The following HTR1F variants were observed in gnomAD, a reference collection of about 807,000 sequenced individuals.
The protein encoded by HTR1F is 5-hydroxytryptamine receptor 1F.
A neutral mutation model predicts 24.0 loss-of-function variants in HTR1F; 17 were observed. The observed-to-expected ratio is 0.71, with a 90% CI of 0.48 to 1.06. The LOEUF is 1.06. Ranked by LOEUF, HTR1F falls within the 50% of genes least tolerant of loss-of-function variation. The probability of loss-of-function intolerance (pLI) is 0.00; values close to 1 mark genes in which losing one functional copy is unlikely to be tolerated. For synonymous variants in HTR1F, 186 were observed against 156.8 expected (o/e 1.19, Z -1.39); for missense variants, 391 against 427.8 (o/e 0.91, Z 0.76).
intron 2 of HTR1F, among the ~76,000 whole-genome samples, chr3:87,894,934 C>G (rs866281028): frequency 1.3e-5 from 2 of 152,054 alleles, no homozygotes; most frequent in Non-Finnish European, 2.9e-5. Flanking sequence ...GCACTGTTAG[C>G]GTGACGCCTG....
At chr3:87,982,217 C>T (rs1023109413) in intron 2 of HTR1F, among the ~76,000 whole-genome samples, 1 of 152,152 alleles carries the variant, frequency 6.6e-6, no homozygotes, top group African/African-American at 2.4e-5. Context: ...GCCACTGTGC[C>T]CTGCCCTTTC....
At chr3:87,882,299 T>C (rs774474104) in intron 2 of HTR1F, among the ~76,000 whole-genome samples, 1 of 152,210 alleles carries the variant, frequency 6.6e-6, no homozygotes, top group East Asian at 1.9e-4. Flanking sequence ...GTCAGTGTGG[T>C]GATTCCTCAG....
chr3:87,843,003 G>A (rs940595571), intron 2 of HTR1F, among the ~76,000 whole-genome samples: 6 of 151,760 alleles, frequency 4.0e-5, no homozygotes, highest in Non-Finnish European at 2.9e-5. Flanking sequence ...TTCCCAGTTC[G>A]GACAAGCTTG....
In HTR1F at chr3:87,920,029, T is replaced by TTATATATATATATATATATATATA. The variant is rs74326472; in HGVS notation, c.-42-70658_-42-70657insATATATATATATATATATATATAT. Among the ~76,000 whole-genome samples, 146 of 141,968 alleles carry TTATATATATATATATATATATATA rather than the reference T, an allele frequency of 1.0e-3. 1 individual carries two copies. Among genetic ancestry groups the TTATATATATATATATATATATATA allele is most frequent in the African/African-American group, 2.0e-3 (78 of 38,062 alleles). 93.1% of individuals were successfully genotyped at this position (141,968 alleles called of 152,430 possible). On this transcript the variant is annotated intron_variant, in intron 2 of 2. Coordinates refer to ENST00000319595, the MANE Select transcript of HTR1F (RefSeq NM_001322209.2). ...GTGTGGGAGAGATATATATGTAATA[T>TTATATATATATATATATATATATA]TATATATATATATATATATATGATA...
At chr3:87,848,762 C>A (rs1705008235) in intron 2 of HTR1F, among the ~76,000 whole-genome samples, 1 of 151,632 alleles carries the variant, frequency 6.6e-6, no homozygotes, top group African/African-American at 2.4e-5. Flanking sequence ...AGCAAAGTCT[C>A]AGGATACAAA....
chr3:87,946,419 G>A (rs933578402), intron 2 of HTR1F, among the ~76,000 whole-genome samples: 6 of 151,930 alleles, frequency 3.9e-5, no homozygotes, highest in Non-Finnish European at 7.4e-5. Context: ...AAAAGAACCT[G>A]AAGTCTTGTA....
chr3:87,904,689 C>T (rs899990089), intron 2 of HTR1F, among the ~76,000 whole-genome samples: 2 of 152,030 alleles, frequency 1.3e-5, no homozygotes, highest in Admixed American at 6.6e-5. Context: ...CTGCATGCAA[C>T]AATATGAAAC....
At chr3:87,891,216 G>A (rs911217365) in intron 2 of HTR1F, among the ~76,000 whole-genome samples, 2 of 151,888 alleles carry the variant, frequency 1.3e-5, no homozygotes, top group South Asian at 2.1e-4. Flanking sequence ...AATTCAATTT[G>A]TTAAAATTAT....
chr3:87,832,486 C>A (rs1011949628), intron 2 of HTR1F, among the ~76,000 whole-genome samples: 37 of 152,006 alleles, frequency 2.4e-4, no homozygotes, highest in Non-Finnish European at 4.7e-4. Context: ...CGCCGCCACA[C>A]CCGGCTAATT....
At chr3:87,846,146 G>A (rs1248853757) in intron 2 of HTR1F, among the ~76,000 whole-genome samples, 1 of 151,940 alleles carries the variant, frequency 6.6e-6, no homozygotes, top group Non-Finnish European at 1.5e-5. Flanking sequence ...TATAAAAGTA[G>A]TATGGGCCGG....
chr3:87,815,259 G>C (rs1291517964), intron 1 of HTR1F, among the ~76,000 whole-genome samples: 1 of 151,746 alleles, frequency 6.6e-6, no homozygotes, highest in Non-Finnish European at 1.5e-5. Context: ...GGATGAAGAT[G>C]GTCAGATTTA....
At chr3:87,860,246 T>C (rs1381930789) in intron 2 of HTR1F, among the ~76,000 whole-genome samples, 2 of 152,230 alleles carry the variant, frequency 1.3e-5, no homozygotes, top group East Asian at 3.8e-4. Context: ...AAATCAACTC[T>C]CTTTTCTAGA....
chr3:87,831,265 A>G (rs1704571564), intron 2 of HTR1F, among the ~76,000 whole-genome samples: 1 of 151,354 alleles, frequency 6.6e-6, no homozygotes, highest in South Asian at 2.1e-4. Flanking sequence ...TCTACAAAAT[A>G]AATAACAATG....
intron 2 of HTR1F, among the ~76,000 whole-genome samples, chr3:87,826,835 G>C (rs1319022526): frequency 6.6e-6 from 1 of 152,044 alleles, no homozygotes; most frequent in Admixed American, 6.5e-5. Flanking sequence ...TTTGGGGACA[G>C]GGTCTCACTC....
chr3:87,888,422 CA>C (rs1160955820), intron 2 of HTR1F, among the ~76,000 whole-genome samples: 2 of 151,800 alleles, frequency 1.3e-5, no homozygotes, highest in Admixed American at 6.6e-5. Flanking sequence ...ACCTAAATAC[CA>C]AACCTGCACA....
intron 2 of HTR1F, among the ~76,000 whole-genome samples, chr3:87,839,132 A>T (rs1416315650): frequency 6.6e-6 from 1 of 151,522 alleles, no homozygotes; most frequent in African/African-American, 2.4e-5. Context: ...CAAAAAAATC[A>T]TTGCCTAGAT....
At chr3:87,843,697 T>G (rs1447230439) in intron 2 of HTR1F, among the ~76,000 whole-genome samples, 4 of 95,698 alleles carry the variant, frequency 4.2e-5, no homozygotes, top group Non-Finnish European at 7.5e-5. Flanking sequence ...CCCACAACAG[T>G]CCCCAGATTG....
chr3:87,918,985 G>T (rs2107370874), intron 2 of HTR1F, among the ~76,000 whole-genome samples: 1 of 152,238 alleles, frequency 6.6e-6, no homozygotes, highest in East Asian at 1.9e-4. Context: ...ATATTGTAAG[G>T]CTGTAGTCAC....
intron 1 of HTR1F, among the ~76,000 whole-genome samples, chr3:87,804,176 T>G (rs903934738): frequency 2.0e-5 from 3 of 152,206 alleles, no homozygotes; most frequent in African/African-American, 7.2e-5. Context: ...TGTTTCATAT[T>G]TCTCACCATC....
Sources: allele counts gnomAD v4.1 joint callset (sites outside exome capture counted in the v4.1 genomes callset), GRCh38; gene constraint gnomAD v4.1.1; transcripts MANE v1.5; gene names NCBI Gene and HGNC (gene_info 2026-07-23, HGNC 2026-07-21).